The following SPTA1 variants were observed in gnomAD, a reference collection of about 807,000 sequenced individuals.
SPTA1 encodes the protein spectrin alpha chain, erythrocytic 1.
A neutral mutation model predicts 324.7 loss-of-function variants in SPTA1; 177 were observed. The observed-to-expected ratio is 0.55, with a 90% CI of 0.48 to 0.62. The LOEUF (loss-of-function observed/expected upper bound fraction) is 0.62, where lower values mean the gene tolerates loss of function less well. Ranked by LOEUF, SPTA1 falls within the 20% of genes least tolerant of loss-of-function variation. The pLI, the probability that SPTA1 is intolerant of heterozygous loss-of-function variation, is 0.00. For synonymous variants in SPTA1, 1,195 were observed against 1,041.3 expected (o/e 1.15, Z -2.84); for missense variants, 3,162 against 2,883.6 (o/e 1.10, Z -2.21).
rs1650365510 is a variant in SPTA1 at position 158,627,666 on chromosome 1, C to T, written c.5623G>A (p.Val1875Ile). Residue 1875 changes from valine to isoleucine, a missense_variant, in exon 40 of 52, where the codon GTA becomes ATA. Val to Ile is a conservative substitution (Grantham distance 29, BLOSUM62 3). Transcript: ENST00000643759. ...TCTCCTTGTGCACACACATTTTGTA[C>T]TCGGGTCTCATGGACAGCAAAGTCA... ...ENDFAVHETR[V>I]QNVCAQGEDI... 4 of 1,613,518 alleles carry T rather than the reference C, an allele frequency of 2.5e-6. No individual in the cohort carries two copies. Among genetic ancestry groups the T allele is most frequent in the Non-Finnish European group, 2.5e-6 (3 of 1,179,784 alleles).
chr1:158,613,725 C>G lies in SPTA1; in HGVS notation c.6985G>C (p.Gly2329Arg), dbSNP rs765903962. The G allele has an allele frequency of 6.2e-7, 1 of 1,613,754 alleles. No individual in the cohort carries two copies. The highest frequency in any genetic ancestry group is 1.7e-5 in the Admixed American group (1 of 59,970). Residue 2329 changes from glycine (G) to arginine (R), a missense_variant, in exon 50 of 52, where the codon GGG becomes CGG. By Grantham distance (125) the Gly-to-Arg change is moderately radical. Transcript: ENST00000643759. ...GACCCTTAGTCTTGTTCCTACCTCCCTGGATCCACAGCATCCAGGAACTTC... is the reference window on the plus strand; with the variant it reads ...GACCCTTAGTCTTGTTCCTACCTCCGTGGATCCACAGCATCCAGGAACTTC... ...FEKFLDAVDP[G>R]RKGYVSLEDY...
chr1:158,626,773 C>A (rs1650300413), intron 41 of SPTA1, 66 bp downstream of exon 41: 4 of 1,603,528 alleles, frequency 2.5e-6, no homozygotes, highest in Non-Finnish European at 2.6e-6. Flanking sequence ...AGAGACCATT[C>A]TACACATGGA....
rs115243207 is a variant in SPTA1, at chr1:158,640,325, T to G, written c.4738-318A>C. 9.4e-3 allele frequency among the ~76,000 whole-genome samples: 1,437 copies of G among 152,278 alleles called. 18 individuals are homozygous for G. The highest frequency in any genetic ancestry group is 0.033 in the African/African-American group (1,368 of 41,544). On this transcript the variant is annotated intron_variant, in intron 33 of 51. Coordinates refer to ENST00000643759, the MANE Select transcript of SPTA1 (RefSeq NM_003126.4). ...TGGAATTAAGCCGAAGCTTTCTTAGTGTTCCAGGTACTGAGTATGATGGGA... is the reference window on the plus strand; with the variant it reads ...TGGAATTAAGCCGAAGCTTTCTTAGGGTTCCAGGTACTGAGTATGATGGGA...
chr1:158,668,066 A>G lies in SPTA1; in HGVS notation c.1834-4T>C. ...TGCTCTTCAAGTTCTGTATGTCCTG[A>G]GATAAGATGAAAAAAAAAAAAAAAA... On this transcript the variant is annotated splice_region_variant and splice_polypyrimidine_tract_variant and intron_variant, in intron 14 of 51. Coordinates refer to ENST00000643759, the MANE Select transcript of SPTA1 (RefSeq NM_003126.4). 2 of 1,554,428 alleles carry G rather than the reference A, an allele frequency of 1.3e-6. No homozygotes were observed. Among genetic ancestry groups the G allele is most frequent in the Non-Finnish European group, 8.6e-7 (1 of 1,157,272 alleles).
intron 39 of SPTA1, among the ~76,000 whole-genome samples, chr1:158,633,504 CA>C (rs934567875): frequency 6.6e-6 from 1 of 151,300 alleles, no homozygotes; most frequent in Admixed American, 6.6e-5. Flanking sequence ...ACTAAAAATA[CA>C]AAAAAATTAG....
At chr1:158,673,595 T>C (rs1654181433) in intron 10 of SPTA1, among the ~76,000 whole-genome samples, 1 of 152,192 alleles carries the variant, frequency 6.6e-6, no homozygotes, top group African/African-American at 2.4e-5. Flanking sequence ...AAGAAGAACA[T>C]GCACAGATGT....
chr1:158,635,816 T>C (rs957816758), intron 38 of SPTA1, 97 bp downstream of exon 38: 2 of 1,570,872 alleles, frequency 1.3e-6, no homozygotes, highest in Non-Finnish European at 1.7e-6. Context: ...TAGTTGGGGA[T>C]AGCAGACAAT....
At chr1:158,678,199 C>G (rs1654531217) in intron 6 of SPTA1, among the ~76,000 whole-genome samples, 1 of 152,136 alleles carries the variant, frequency 6.6e-6, no homozygotes, top group African/African-American at 2.4e-5. Flanking sequence ...ATTTTGATCT[C>G]CAATCTCTAC....
intron 45 of SPTA1, 122 bp downstream of exon 45, chr1:158,619,100 G>A (rs961309451): frequency 2.1e-6 from 2 of 955,540 alleles, no homozygotes; most frequent in Non-Finnish European, 3.4e-6. Context: ...GGCAAGATAT[G>A]GGGATTTTAG....
At chr1:158,663,160 A>T (rs1340455446) in intron 16 of SPTA1, among the ~76,000 whole-genome samples, 3 of 152,184 alleles carry the variant, frequency 2.0e-5, no homozygotes, top group Non-Finnish European at 4.4e-5. Flanking sequence ...AGTTCTCAAA[A>T]CATATTTTAG....
At chr1:158,612,116 C>G (rs1434911531) in intron 51 of SPTA1, 2 of 154,286 alleles carry the variant, frequency 1.3e-5, no homozygotes, top group Non-Finnish European at 2.9e-5. Context: ...ATTGTTTTCC[C>G]TTTCACTTTC....
At chr1:158,613,036 G>T in intron 50 of SPTA1, 75 bp from the exon 51 acceptor site, 3 of 1,520,152 alleles carry the variant, frequency 2.0e-6, no homozygotes, top group Non-Finnish European at 2.7e-6. Context: ...CCTACTCAGT[G>T]TCTCAGAAAC....
intron 46 of SPTA1, 112 bp from the exon 47 acceptor site, chr1:158,617,700 A>C (rs2101754587): frequency 9.0e-7 from 1 of 1,112,000 alleles, no homozygotes. Flanking sequence ...TATGTGGCTT[A>C]CATGAAGCAA....
At chr1:158,626,699 T>A in intron 41 of SPTA1, 140 bp downstream of exon 41, 1 of 1,029,858 alleles carries the variant, frequency 9.7e-7, no homozygotes, top group Non-Finnish European at 1.5e-6. Flanking sequence ...TGAGTGTAAT[T>A]CTGTCCAGAA....
intron 35 of SPTA1, 49 bp from the exon 36 acceptor site, chr1:158,638,290 C>G: frequency 6.4e-7 from 1 of 1,565,060 alleles, no homozygotes; most frequent in Non-Finnish European, 8.7e-7. Context: ...AGGCATTACT[C>G]AGATCCCACA....
At position 158,642,486 on chromosome 1, in the gene SPTA1, C is replaced by A. The variant is rs748240287; in HGVS notation, c.4662G>T (p.Gln1554His). 6.2e-7 allele frequency: 1 copy of A among 1,613,738 alleles called. No homozygotes were observed. Among genetic ancestry groups the A allele is most frequent in the Non-Finnish European group, 8.5e-7 (1 of 1,179,750 alleles). Residue 1554 changes from glutamine to histidine, a missense_variant, in exon 33 of 52, where the codon CAG becomes CAT. Coordinates refer to ENST00000643759, the MANE Select transcript of SPTA1 (RefSeq NM_003126.4). Reference protein sequence around the residue: ...FAHEVDGRSEQVHGVINLGNS... With the variant: ...FAHEVDGRSEHVHGVINLGNS... ...TCCCCAGGTTGATGACGCCATGCAC[C>A]TGCTCAGATCGGCCATCGACTTCAT...
At position 158,645,418 on chromosome 1, in the gene SPTA1, C is replaced by T. The variant is rs1388982053; in HGVS notation, c.3997-33G>A. 4 of 1,613,806 alleles carry T rather than the reference C, an allele frequency of 2.5e-6. No homozygotes were observed. The South Asian group carries it at 3.3e-5, about 13-fold the overall frequency. The stretch of plus-strand genomic sequence containing the variant: ...AAAAAGGGGGAAGAAATCAGTGAGG[C>T]CAACTCCATTGGAAATTTTAAAATT... On this transcript the variant is annotated intron_variant, in intron 28 of 51. Coordinates refer to ENST00000643759, the MANE Select transcript of SPTA1 (RefSeq NM_003126.4).
intron 1 of SPTA1, 152 bp downstream of exon 1, chr1:158,686,342 T>C (rs1026421683): frequency 3.0e-5 from 19 of 643,822 alleles, no homozygotes; most frequent in Non-Finnish European, 4.7e-5. Flanking sequence ...AAGGTTATTG[T>C]TCACAAAAAA....
At chr1:158,639,496 T>G (rs183990863) in intron 35 of SPTA1, 86 bp downstream of exon 35, 5 of 1,420,382 alleles carry the variant, frequency 3.5e-6, no homozygotes, top group Non-Finnish European at 5.0e-6. Context: ...AAGGCTATGT[T>G]TTCAAATGGT....
Sources: allele counts gnomAD v4.1 joint callset (sites outside exome capture counted in the v4.1 genomes callset), GRCh38; gene constraint gnomAD v4.1.1; transcripts MANE v1.5; gene names NCBI Gene and HGNC (gene_info 2026-07-23, HGNC 2026-07-21).